Variants in FAM135B observed in about 807,000 individuals in gnomAD.
The protein encoded by FAM135B is family with sequence similarity 135 member B, also known as protein FAM135B.
Under a neutral mutation model 127.7 loss-of-function variants are expected in FAM135B, and 43 were observed. The observed-to-expected ratio is 0.34, with a 90% CI of 0.26 to 0.43. The LOEUF is 0.43. Ranked by LOEUF, FAM135B falls within the 20% of genes least tolerant of loss-of-function variation. The pLI is 1.00. For synonymous variants in FAM135B, 670 were observed against 665.1 expected, an observed-to-expected ratio of 1.01 and a Z score of -0.11; for missense variants, 1,558 against 1,725.6, an observed-to-expected ratio of 0.90 and a Z score of 1.72.
chr8:138,438,159 A>G (rs975404228), intron 1 of FAM135B: 3 of 152,206 alleles, frequency 2.0e-5, no homozygotes, highest in African/African-American at 7.2e-5. Flanking sequence ...CCTAAGAATA[A>G]GAGGCAATTT....
chr8:138,157,685 C>T (rs1340431462), intron 12 of FAM135B, among the ~76,000 whole-genome samples: 3 of 152,294 alleles, frequency 2.0e-5, no homozygotes, highest in Admixed American at 2.0e-4. Flanking sequence ...CATGAGTGAA[C>T]TCCCATTCAC....
chr8:138,141,574 G>A lies in FAM135B; in HGVS notation c.3639-225C>T, dbSNP rs1220217298. On this transcript the variant is annotated intron_variant, in intron 16 of 19. Coordinates refer to ENST00000395297, the MANE Select transcript of FAM135B (RefSeq NM_015912.4). This position sits in a 1 kb window ranked among gnomAD's most constrained non-coding sequence, Gnocchi z 4.7. ...TGAATGGGAGCTTTGTGCCCAGTCA[G>A]GGGAGAAGTGTGGGCATTTCAGCCA... Among the ~76,000 whole-genome samples, 1 of 152,228 alleles carries A rather than the reference G, an allele frequency of 6.6e-6. No individual in the cohort carries two copies. The highest frequency in any genetic ancestry group is 2.4e-5 in the African/African-American group (1 of 41,464).
In FAM135B at chr8:138,132,671, G is replaced by C. The variant is rs2280848; in HGVS notation, c.4143C>G (p.Ala1381=). ...CTGAATCCAGCACAGCGATGTGAGC[G>C]GCTCGGCCGATCAGGGTGTTGGCAG... ...PNTANTLIGR[A]AHIAVLDSEL... The change falls in exon 20 of 20, where the codon GCC becomes GCG. Residue 1381 remains alanine, a synonymous_variant. Coordinates refer to ENST00000395297, the MANE Select transcript of FAM135B (RefSeq NM_015912.4). This position sits in a 1 kb window ranked among gnomAD's most constrained non-coding sequence, Gnocchi z 4.5. The C allele has an allele frequency of 6.2e-7, 1 of 1,614,096 alleles. No homozygotes were observed. Among genetic ancestry groups the C allele is most frequent in the Non-Finnish European group, 8.5e-7 (1 of 1,180,024 alleles).
chr8:138,378,230 AGGATAAATACCCT>A (rs1831608986), intron 1 of FAM135B, among the ~76,000 whole-genome samples: 1 of 152,222 alleles, frequency 6.6e-6, no homozygotes, highest in Non-Finnish European at 1.5e-5. Flanking sequence ...GTGGTCCACA[AGGATAAATACCCT>A]GACATAAAGA....
intron 1 of FAM135B, among the ~76,000 whole-genome samples, chr8:138,395,350 A>G (rs1022556804): frequency 2.0e-5 from 3 of 151,992 alleles, no homozygotes; most frequent in African/African-American, 7.3e-5. Context: ...CTGCTTGGTT[A>G]TGGAGGTCTT....
chr8:138,329,530 T>G (rs1828027688), intron 2 of FAM135B, among the ~76,000 whole-genome samples: 1 of 152,208 alleles, frequency 6.6e-6, no homozygotes, highest in Admixed American at 6.5e-5. Flanking sequence ...AAAGTTCCCT[T>G]GGCTCCATTT....
chr8:138,207,530 A>T (rs529221079), intron 7 of FAM135B, among the ~76,000 whole-genome samples: 2 of 152,246 alleles, frequency 1.3e-5, no homozygotes, highest in Admixed American at 6.5e-5. Flanking sequence ...CTTTAAGAAG[A>T]TGAGGGTCTC....
At chr8:138,178,863 G>A (rs554150597) in intron 9 of FAM135B, among the ~76,000 whole-genome samples, 173 bp from the exon 10 acceptor site, 7 of 152,166 alleles carry the variant, frequency 4.6e-5, no homozygotes, top group South Asian at 4.1e-4. Context: ...ATGTTATCAC[G>A]TTTGATCTGG....
chr8:138,259,565 G>C (rs548622054), intron 4 of FAM135B, among the ~76,000 whole-genome samples: 1 of 152,150 alleles, frequency 6.6e-6, no homozygotes, highest in African/African-American at 2.4e-5. Context: ...TTTCAACCAT[G>C]GGGGCTGGCC....
chr8:138,347,448 A>G (rs898574903), intron 2 of FAM135B, among the ~76,000 whole-genome samples: 3 of 152,172 alleles, frequency 2.0e-5, no homozygotes, highest in East Asian at 1.9e-4. Context: ...CTGAGGCTTA[A>G]AAGTCCCACA....
chr8:138,307,804 T>G (rs1402535418), intron 3 of FAM135B, among the ~76,000 whole-genome samples: 1 of 150,894 alleles, frequency 6.6e-6, no homozygotes, highest in Non-Finnish European at 1.5e-5. Flanking sequence ...TCCAACAAGA[T>G]CATTCAAATA....
intron 7 of FAM135B, among the ~76,000 whole-genome samples, chr8:138,203,122 G>A (rs957974903): frequency 1.3e-5 from 2 of 152,150 alleles, no homozygotes; most frequent in African/African-American, 4.8e-5. Context: ...TCCTAACAGA[G>A]TATATATACA....
chr8:138,203,405 A>C (rs1165025912), intron 7 of FAM135B, among the ~76,000 whole-genome samples: 1 of 152,214 alleles, frequency 6.6e-6, no homozygotes, highest in Non-Finnish European at 1.5e-5. Flanking sequence ...CACTTTGAGC[A>C]CCTGTCAGAA....
Position 138,497,167 on chromosome 8 carries a change from CCG to C in FAM135B, c.-518_-517del, listed in dbSNP as rs1204037511. On this transcript the variant is annotated 5_prime_UTR_variant, in exon 1 of 20. Transcript: ENST00000395297. ...ACGCGGCCAGACCCTCCGCGCCGCG[CCG>C]CGCGCCCTCGCGGCCGGGAGAGCCC... is the stretch of plus-strand genomic sequence containing the variant. Among the ~76,000 whole-genome samples the C allele has an allele frequency of 6.6e-6, 1 of 151,218 alleles. No homozygotes were observed. Among genetic ancestry groups the C allele is most frequent in the Admixed American group, 6.6e-5 (1 of 15,184 alleles).
intron 7 of FAM135B, among the ~76,000 whole-genome samples, chr8:138,224,212 A>G (rs1819238036): frequency 6.6e-6 from 1 of 152,180 alleles, no homozygotes; most frequent in Admixed American, 6.5e-5. Flanking sequence ...TAAAAAAGCT[A>G]AAGCTAGGGA....
At chr8:138,327,353 G>A (rs529207155) in intron 2 of FAM135B, among the ~76,000 whole-genome samples, 26 of 152,206 alleles carry the variant, frequency 1.7e-4, no homozygotes, top group South Asian at 4.2e-4. Context: ...CCTGAAGTTC[G>A]GAACAAAAAT....
intron 2 of FAM135B, among the ~76,000 whole-genome samples, chr8:138,333,159 T>A (rs1029884075): frequency 6.6e-6 from 1 of 152,196 alleles, no homozygotes; most frequent in Non-Finnish European, 1.5e-5. Context: ...CTGTGCTGTG[T>A]AGGGATTAGC....
intron 1 of FAM135B, among the ~76,000 whole-genome samples, chr8:138,487,027 A>C (rs1349559266): frequency 6.6e-6 from 1 of 152,008 alleles, no homozygotes; most frequent in African/African-American, 2.4e-5. Context: ...CCGGTTTGTT[A>C]CATATGTATA....
chr8:138,171,976 G>T (rs765387923), intron 11 of FAM135B, among the ~76,000 whole-genome samples: 1 of 152,188 alleles, frequency 6.6e-6, no homozygotes, highest in Non-Finnish European at 1.5e-5. Flanking sequence ...GTAGCTGGGT[G>T]CATGCATGGT....
Sources: gnomAD v4.1 joint callset for allele counts (sites outside exome capture counted in the v4.1 genomes callset) on GRCh38, gnomAD v4.1.1 for gene constraint, Gnocchi (gnomAD v3.1) non-coding constraint, MANE v1.5 for transcripts, NCBI Gene and HGNC (gene_info 2026-07-23, HGNC 2026-07-21) for gene names.